Variants in PLEKHA7 observed in about 807,000 individuals in gnomAD.
PLEKHA7 encodes the protein pleckstrin homology domain-containing family A member 7.
In PLEKHA7, 104 loss-of-function variants were observed where a neutral mutation model predicts 170.0. The observed-to-expected ratio is 0.61, with a 90% CI of 0.52 to 0.72. PLEKHA7 has a LOEUF of 0.72. Among genes scored for constraint, PLEKHA7 ranks in the 30% least tolerant of loss-of-function variants. PLEKHA7 has a pLI of 0.00. For missense variants in PLEKHA7, 1,615 were observed against 1,671.7 expected (o/e 0.97, Z 0.59); for synonymous variants, 648 against 660.8 (o/e 0.98, Z 0.30).
intron 3 of PLEKHA7, among the ~76,000 whole-genome samples, chr11:16,923,492 T>C (rs1015612513): frequency 3.3e-5 from 5 of 152,126 alleles, no homozygotes; most frequent in African/African-American, 1.2e-4. Flanking sequence ...AAGTCAAGCC[T>C]TCCTTCACTC....
rs1319910700 is a variant in PLEKHA7, at chr11:16,907,578, C to G, written c.222-36396G>C. On this transcript the variant is annotated intron_variant, in intron 3 of 26. Transcript: ENST00000531066. ...GAGGGAGGCGGGGGGGTCAGCCCCC[C>G]GCCCGGCCAGCCGCCCCGTCCGGGA... Among the ~76,000 whole-genome samples, 4 of 123,490 alleles carry G rather than the reference C, an allele frequency of 3.2e-5. 1 individual carries two copies. The highest frequency in any genetic ancestry group is 7.4e-5 in the Non-Finnish European group (4 of 54,252). 81.0% of individuals were successfully genotyped at this position (123,490 alleles called of 152,430 possible).
chr11:16,892,435 T>TGTGTGTGTGTGTGTGTGTG (rs1554964897), intron 3 of PLEKHA7, among the ~76,000 whole-genome samples: 3,335 of 97,064 alleles, frequency 0.034, 60 homozygotes, highest in Non-Finnish European at 0.047. Flanking sequence ...TGTGTGTGTG[T>TGTGTGTGTGTGTGTGTGTG]TTTGTTTTGT....
At chr11:16,988,370 C>G (rs995938807) in intron 3 of PLEKHA7, among the ~76,000 whole-genome samples, 1 of 152,196 alleles carries the variant, frequency 6.6e-6, no homozygotes, top group African/African-American at 2.4e-5. Flanking sequence ...AGAGGAATGG[C>G]AGAAGGCATT....
chr11:16,786,968 T>C (rs1342499000), intron 23 of PLEKHA7: 2 of 985,388 alleles, frequency 2.0e-6, no homozygotes, highest in South Asian at 9.4e-5. Flanking sequence ...ATGAGACCCA[T>C]CTATTTGAGA....
At chr11:16,845,016 T>G (rs1035188737) in intron 8 of PLEKHA7, among the ~76,000 whole-genome samples, 5 of 152,210 alleles carry the variant, frequency 3.3e-5, no homozygotes, top group Admixed American at 6.5e-5. Context: ...TACAGCTGTA[T>G]TAAGTGTCAT....
intron 3 of PLEKHA7, among the ~76,000 whole-genome samples, chr11:17,010,895 C>G (rs1565206170): frequency 6.6e-6 from 1 of 152,014 alleles, no homozygotes; most frequent in East Asian, 1.9e-4. Flanking sequence ...AACAATTACT[C>G]CCAAAACCCT....
In PLEKHA7 at chr11:16,826,219, G is replaced by A. The variant is rs753856309; in HGVS notation, c.1244C>T (p.Ala415Val). 9 of 1,614,078 alleles carry A rather than the reference G, an allele frequency of 5.6e-6. No homozygotes were observed. The African/African-American group carries it at 6.7e-5, about 12-fold the overall frequency. Residue 415 changes from alanine to valine, a missense_variant, in exon 10 of 27, where the codon GCC becomes GTC. Coordinates refer to ENST00000531066, the MANE Select transcript of PLEKHA7 (RefSeq NM_001329630.2). ...TTCAGGGTTGGTCCTGGGAGGAAAG[G>A]CCCGCTGGTACCCACCAGTCCCATT... ...EQNGTGGYQR[A>V]FPPRTNPEKH...
In PLEKHA7 at chr11:16,874,278, G is replaced by A. The variant is rs79029924; in HGVS notation, c.222-3096C>T. ...TCCTAGCACTTCCTGAGGCTGGGGC[G>A]GGTGAATCACTTAAGCCCAGGAGTT... is the stretch of plus-strand genomic sequence containing the variant. On this transcript the variant is annotated intron_variant, in intron 3 of 26. Coordinates refer to ENST00000531066, the MANE Select transcript of PLEKHA7 (RefSeq NM_001329630.2). Among the ~76,000 whole-genome samples the A allele has an allele frequency of 9.5e-3, 1,443 of 152,194 alleles. 23 individuals carry two copies. The highest frequency in any genetic ancestry group is 0.032 in the African/African-American group (1,341 of 41,538).
At chr11:16,889,413 AAAAAAAAATATATATAT>A (rs1193047866) in intron 3 of PLEKHA7, among the ~76,000 whole-genome samples, 3 of 116,448 alleles carry the variant, frequency 2.6e-5, no homozygotes, top group African/African-American at 1.1e-4. Flanking sequence ...AAAAAAAAAA[AAAAAAAAATATATATAT>A]ATATATATAT....
In PLEKHA7 at chr11:16,816,984, G is replaced by A; in HGVS notation, c.1682C>T (p.Pro561Leu). The A allele has an allele frequency of 1.2e-6, 2 of 1,607,500 alleles. No homozygotes were observed. Among genetic ancestry groups the A allele is most frequent in the Non-Finnish European group, 1.7e-6 (2 of 1,176,648 alleles). The change falls in exon 11 of 27, where the codon CCC (proline) becomes CTC (leucine). Residue 561 changes from proline to leucine, a missense_variant. Pro to Leu is a moderately conservative substitution (Grantham distance 98). Coordinates refer to ENST00000531066, the MANE Select transcript of PLEKHA7 (RefSeq NM_001329630.2). ...AGATGGAGGCACAGAGATGGAGCGG[G>A]GCACCTCTAGCATGCTCCTGCTCCG... ...QGRSRSMLEV[P>L]RSISVPPSPS...
intron 4 of PLEKHA7, among the ~76,000 whole-genome samples, chr11:16,860,303 A>G (rs1049562577): frequency 6.6e-6 from 1 of 152,196 alleles, no homozygotes; most frequent in African/African-American, 2.4e-5. Flanking sequence ...AGTAAGAAAG[A>G]GAGGTTATAG....
At chr11:16,979,004 T>C (rs1240687479) in intron 3 of PLEKHA7, among the ~76,000 whole-genome samples, 1 of 152,074 alleles carries the variant, frequency 6.6e-6, no homozygotes, top group Non-Finnish European at 1.5e-5. Context: ...AGAACAAGAT[T>C]TGTAAAGTTC....
chr11:17,014,113 C>A lies in PLEKHA7; in HGVS notation c.163+12G>T. The A allele has an allele frequency of 6.3e-7, 1 of 1,597,392 alleles. No homozygotes were observed. The highest frequency in any genetic ancestry group is 1.1e-5 in the South Asian group (1 of 89,168). ...GCTGCGCGCGCCCCCCACCCGCCGG[C>A]CCGGCGCCCACCTGAGCGGATCATG... On this transcript the variant is annotated intron_variant, in intron 2 of 26. Coordinates refer to ENST00000531066, the MANE Select transcript of PLEKHA7 (RefSeq NM_001329630.2).
intron 3 of PLEKHA7, among the ~76,000 whole-genome samples, chr11:16,954,331 C>T (rs750016151): frequency 6.6e-6 from 1 of 152,108 alleles, no homozygotes; most frequent in Middle Eastern, 3.4e-3. Context: ...GCCCTGGCAA[C>T]ACTGTGAGAC....
chr11:16,994,248 C>T (rs1361178876), intron 3 of PLEKHA7, among the ~76,000 whole-genome samples: 4 of 152,238 alleles, frequency 2.6e-5, no homozygotes, highest in Admixed American at 6.5e-5. Context: ...CAAGGTGGCC[C>T]TCAGCAGATG....
intron 3 of PLEKHA7, among the ~76,000 whole-genome samples, chr11:16,933,897 G>A (rs1860111912): frequency 1.3e-5 from 2 of 152,170 alleles, no homozygotes; most frequent in Admixed American, 1.3e-4. Context: ...CTTGTTCAAG[G>A]CTGAGAGCAC....
intron 3 of PLEKHA7, among the ~76,000 whole-genome samples, chr11:16,946,593 G>A (rs1350428172): frequency 6.6e-6 from 1 of 152,132 alleles, no homozygotes; most frequent in East Asian, 1.9e-4. Flanking sequence ...TATGCACAGA[G>A]GATGCCACAA....
In PLEKHA7 at chr11:16,855,934, T is replaced by C. The variant is rs547274876; in HGVS notation, c.306-20A>G. On this transcript the variant is annotated intron_variant, in intron 4 of 26. Coordinates refer to ENST00000531066, the MANE Select transcript of PLEKHA7 (RefSeq NM_001329630.2). ...TTCGGCCTGTGAGGAGACAGGGGATTCCAGTGAGTAAAAGCCGAGCTATAG... is the reference window on the plus strand; with the variant it reads ...TTCGGCCTGTGAGGAGACAGGGGATCCCAGTGAGTAAAAGCCGAGCTATAG... The C allele has an allele frequency of 9.9e-5, 157 of 1,584,102 alleles. 1 individual carries two copies. The East Asian group carries it at 3.5e-3, about 35-fold the overall frequency.
At chr11:16,978,487 C>T (rs1199254297) in intron 3 of PLEKHA7, among the ~76,000 whole-genome samples, 2 of 152,162 alleles carry the variant, frequency 1.3e-5, no homozygotes, top group Non-Finnish European at 2.9e-5. Context: ...AGAATAATGG[C>T]AAAGTGGTAG....
Sources: gnomAD v4.1 joint callset for allele counts (sites outside exome capture counted in the v4.1 genomes callset) on GRCh38, gnomAD v4.1.1 for gene constraint, MANE v1.5 for transcripts, NCBI Gene and HGNC (gene_info 2026-07-23, HGNC 2026-07-21) for gene names.